The following ZFAND3 variants were observed in gnomAD, a reference collection of about 807,000 sequenced individuals.
The protein encoded by ZFAND3 is AN1-type zinc finger protein 3.
In ZFAND3, 10 loss-of-function variants were observed where a neutral mutation model predicts 29.6. The observed-to-expected ratio is 0.34, with a 90% CI of 0.21 to 0.57. The LOEUF is 0.57. ZFAND3 is among the 20% of genes least tolerant of loss of function. The pLI is 0.86. For synonymous variants in ZFAND3, 128 were observed against 112.6 expected (o/e 1.14, Z -0.87); for missense variants, 230 against 304.5 (o/e 0.76, Z 1.82).
At position 37,977,828 on chromosome 6, in the gene ZFAND3, T is replaced by TTTCCTTCCTTCC. The variant is rs375787038; in HGVS notation, c.112+47860_112+47871dup. ...TGAATGTTGAATTTTGTAAAATGCT[T>TTTCCTTCCTTCC]TTCCTTCCTTCCTTCCTTCCTTCCT... On this transcript the variant is annotated intron_variant, in intron 2 of 5. Coordinates refer to ENST00000287218, the MANE Select transcript of ZFAND3 (RefSeq NM_021943.3). Among the ~76,000 whole-genome samples the TTTCCTTCCTTCC allele has an allele frequency of 2.6e-3, 201 of 76,434 alleles. 3 individuals are homozygous for TTTCCTTCCTTCC. Among genetic ancestry groups the TTTCCTTCCTTCC allele is most frequent in the South Asian group, 9.7e-3 (21 of 2,166 alleles). 50.1% of individuals were successfully genotyped at this position (76,434 alleles called of 152,430 possible).
chr6:37,977,887 TCTCTCCTCTC>T (rs143993017), intron 2 of ZFAND3, among the ~76,000 whole-genome samples: 1 of 70,726 alleles, frequency 1.4e-5, no homozygotes, highest in Non-Finnish European at 3.1e-5. Flanking sequence ...TTCCTTCCTT[TCTCTCCTCTC>T]CTCTCCTCTT....
intron 5 of ZFAND3, among the ~76,000 whole-genome samples, chr6:38,145,446 G>T (rs1307744422): frequency 6.6e-6 from 1 of 152,152 alleles, no homozygotes; most frequent in Non-Finnish European, 1.5e-5. Context: ...CCTAATTATG[G>T]CATTTGTGCA....
chr6:37,974,522 A>C (rs1416450232), intron 2 of ZFAND3, among the ~76,000 whole-genome samples: 1 of 149,930 alleles, frequency 6.7e-6, no homozygotes, highest in African/African-American at 2.5e-5. Context: ...CTCCCACCTC[A>C]GCCTCCTGAG....
At chr6:37,949,232 G>GTTTGT (rs1761954928) in intron 2 of ZFAND3, among the ~76,000 whole-genome samples, 1 of 152,124 alleles carries the variant, frequency 6.6e-6, no homozygotes, top group South Asian at 2.1e-4. Context: ...ATTTTTTCAT[G>GTTTGT]TTTGTTGGCC....
chr6:38,140,544 C>A (rs1242575008), intron 5 of ZFAND3, among the ~76,000 whole-genome samples: 1 of 152,176 alleles, frequency 6.6e-6, no homozygotes, highest in Non-Finnish European at 1.5e-5. Flanking sequence ...GGCTAGAGTG[C>A]AGTGGCTCAA....
intron 5 of ZFAND3, among the ~76,000 whole-genome samples, chr6:38,135,458 C>T (rs565916496): frequency 2.0e-5 from 3 of 152,158 alleles, no homozygotes; most frequent in African/African-American, 7.2e-5. Flanking sequence ...GAAATGAACA[C>T]GTGAGGCCGG....
intron 5 of ZFAND3, among the ~76,000 whole-genome samples, chr6:38,128,678 CTGAG>C (rs35395841): frequency 0.34 from 50,628 of 149,946 alleles, 8,745 homozygotes; most frequent in Non-Finnish European, 0.38. Context: ...CCATTTATGG[CTGAG>C]TATTACTCCA....
intron 4 of ZFAND3, among the ~76,000 whole-genome samples, chr6:38,093,869 T>C (rs1253619537): frequency 3.3e-5 from 5 of 152,056 alleles, no homozygotes; most frequent in African/African-American, 1.2e-4. Context: ...CATTTTTTGG[T>C]GTGGAGGTGG....
intron 2 of ZFAND3, among the ~76,000 whole-genome samples, chr6:38,053,511 C>T (rs1764071020): frequency 6.6e-6 from 1 of 152,088 alleles, no homozygotes; most frequent in Non-Finnish European, 1.5e-5. Flanking sequence ...TGGTGAAACC[C>T]TGTCTCTACT....
chr6:37,970,784 A>G (rs1185166312), intron 2 of ZFAND3, among the ~76,000 whole-genome samples: 2 of 152,174 alleles, frequency 1.3e-5, no homozygotes, highest in Non-Finnish European at 2.9e-5. Flanking sequence ...GGGCGCCTGT[A>G]GTCCCAGCTA....
At position 37,883,788 on chromosome 6, in the gene ZFAND3, T is replaced by C. The variant is rs183359073; in HGVS notation, c.72-46171T>C. ...AACTCCTGACCTCATGATCCACCTG[T>C]CTCGGCCTCCCAAAGTGCTGGGATT... On this transcript the variant is annotated intron_variant, in intron 1 of 5. Transcript: ENST00000287218. Among the ~76,000 whole-genome samples the C allele has an allele frequency of 4.5e-3, 657 of 145,524 alleles. 61 individuals are homozygous for C. The highest frequency in any genetic ancestry group is 0.04 in the Admixed American group (596 of 14,946).
intron 2 of ZFAND3, among the ~76,000 whole-genome samples, chr6:38,046,188 GA>G (rs934788701): frequency 4.0e-5 from 6 of 151,826 alleles, no homozygotes; most frequent in African/African-American, 9.7e-5. Context: ...GCCTAAATGA[GA>G]AAAAAAATTA....
chr6:38,134,523 G>T (rs527902525), intron 5 of ZFAND3, among the ~76,000 whole-genome samples: 1 of 152,206 alleles, frequency 6.6e-6, no homozygotes, highest in East Asian at 1.9e-4. Context: ...CAGTGCACAG[G>T]TGACCAATAA....
chr6:38,152,676 A>G lies in ZFAND3; in HGVS notation c.*287A>G, dbSNP rs1475889482. On this transcript the variant is annotated 3_prime_UTR_variant, in exon 6 of 6. Coordinates refer to ENST00000287218, the MANE Select transcript of ZFAND3 (RefSeq NM_021943.3). The stretch of plus-strand genomic sequence containing the variant: ...GGATTTAAAACAACACATACCTGTC[A>G]CTGCTGGAGTCAAACTTATAAAAAG... 2 of 1,117,632 alleles carry G rather than the reference A, an allele frequency of 1.8e-6. No homozygotes were observed. The highest frequency in any genetic ancestry group is 2.2e-6 in the Non-Finnish European group (2 of 916,108). The allele number at this position is 1,117,632 out of a possible 1,614,324, so 69.2% of individuals were successfully genotyped here.
chr6:37,848,274 C>T (rs1168144985), intron 1 of ZFAND3, among the ~76,000 whole-genome samples: 1 of 152,186 alleles, frequency 6.6e-6, no homozygotes. Flanking sequence ...TTGAAAAGTA[C>T]TTTTTAAAAA....
At chr6:38,113,215 C>T (rs1765353800) in intron 4 of ZFAND3, among the ~76,000 whole-genome samples, 1 of 152,186 alleles carries the variant, frequency 6.6e-6, no homozygotes, top group Non-Finnish European at 1.5e-5. Flanking sequence ...AATCATCTAG[C>T]ATTGCTTCCT....
Position 38,144,204 on chromosome 6 carries a change from TA to T in ZFAND3, c.530-8030del, listed in dbSNP as rs1259654139. ...TATATAATATATATATATATATATA[TA>T]TATATAATATATAATATATATATAT... On this transcript the variant is annotated intron_variant, in intron 5 of 5. Coordinates refer to ENST00000287218, the MANE Select transcript of ZFAND3 (RefSeq NM_021943.3). Among the ~76,000 whole-genome samples, 22 of 47,030 alleles carry T rather than the reference TA, an allele frequency of 4.7e-4. 1 individual carries two copies. Among genetic ancestry groups the T allele is most frequent in the African/African-American group, 1.9e-3 (15 of 7,850 alleles). The allele number at this position is 47,030 out of a possible 152,430, so 30.9% of individuals were successfully genotyped here. A position where few individuals can be genotyped will look rare whatever the true frequency, so the allele number is the denominator to read the frequency against.
intron 2 of ZFAND3, among the ~76,000 whole-genome samples, chr6:38,020,297 A>G (rs1763325143): frequency 6.6e-6 from 1 of 152,238 alleles, no homozygotes; most frequent in South Asian, 2.1e-4. Context: ...TCCAACACAC[A>G]TTAGTTTTCT....
chr6:37,868,854 A>G (rs1291247025), intron 1 of ZFAND3, among the ~76,000 whole-genome samples: 1 of 152,208 alleles, frequency 6.6e-6, no homozygotes, highest in Admixed American at 6.5e-5. Flanking sequence ...GCTTGCCTCA[A>G]AATCAGTTGT....
Sources: gnomAD v4.1 joint callset for allele counts (sites outside exome capture counted in the v4.1 genomes callset) on GRCh38, gnomAD v4.1.1 for gene constraint, MANE v1.5 for transcripts, NCBI Gene and HGNC (gene_info 2026-07-23, HGNC 2026-07-21) for gene names.